SPATA13: variants seen among roughly 807,000 people sequenced by gnomAD.
The protein encoded by SPATA13 is spermatogenesis-associated protein 13.
In SPATA13, 50 loss-of-function variants were observed where a neutral mutation model predicts 104.0. The observed-to-expected ratio is 0.48, with a 90% CI of 0.38 to 0.61. The LOEUF (loss-of-function observed/expected upper bound fraction) is 0.61. Ranked by LOEUF, SPATA13 falls within the 20% of genes least tolerant of loss-of-function variation. SPATA13 has a pLI of 0.00. For synonymous variants in SPATA13, 606 were observed against 667.5 expected, an observed-to-expected ratio of 0.91 and a Z score of 1.42; for missense variants, 1,524 against 1,690.6, an observed-to-expected ratio of 0.90 and a Z score of 1.73.
intron 4 of SPATA13, among the ~76,000 whole-genome samples, chr13:24,256,795 T>A (rs1240138339): frequency 1.3e-5 from 2 of 152,228 alleles, no homozygotes; most frequent in African/African-American, 2.4e-5. Flanking sequence ...TTTGGGATAA[T>A]AGAGTTGGGA....
rs142290688 is a variant in SPATA13 at position 24,220,385 on chromosome 13, T to TCATA, written c.-111-2433_-111-2430dup. ...CCTTCTCTTCTGTATTCAGTGCGAG[T>TCATA]CATAAGAAGACCATTACTACTAATG... On this transcript the variant is annotated intron_variant, in intron 1 of 12. Coordinates refer to ENST00000382108, the MANE Select transcript of SPATA13 (RefSeq NM_001166271.3). Among the ~76,000 whole-genome samples the TCATA allele has an allele frequency of 0.017, 2,525 of 152,246 alleles. 129 individuals carry two copies. In the East Asian group the frequency reaches 0.18, roughly 11 times the overall value.
chr13:24,097,029 T>C (rs1880107657), intron 3 of SPATA13, among the ~76,000 whole-genome samples: 1 of 152,174 alleles, frequency 6.6e-6, no homozygotes, highest in African/African-American at 2.4e-5. Flanking sequence ...TAGTTAGAGG[T>C]GAATGCAGAA....
In SPATA13 at chr13:24,262,280, TTTTG is replaced by T. The variant is rs1380310227; in HGVS notation, c.2164+10426_2164+10429del. Among the ~76,000 whole-genome samples, 3 of 151,818 alleles carry T rather than the reference TTTTG, an allele frequency of 2.0e-5. 1 individual carries two copies. Among genetic ancestry groups the T allele is most frequent in the South Asian group, 4.1e-4 (2 of 4,824 alleles). ...AATTTATTCAAATTCTTTGTATTTT[TTTTG>T]TTTGTTTAAAACAAAGTTTTTTTTC... On this transcript the variant is annotated intron_variant, in intron 4 of 12. Transcript: ENST00000382108.
chr13:23,981,732 G>T, intron 1 of SPATA13, among the ~76,000 whole-genome samples: 1 of 152,120 alleles, frequency 6.6e-6, no homozygotes, highest in East Asian at 1.9e-4. Flanking sequence ...CATGTCTCAC[G>T]GCCAGTCAGG....
Position 24,297,597 on chromosome 13 carries a change from G to T in SPATA13, c.3445G>T (p.Val1149Leu), listed in dbSNP as rs770055743. 3 of 1,614,226 alleles carry T rather than the reference G, an allele frequency of 1.9e-6. No homozygotes were observed. The highest frequency in any genetic ancestry group is 1.7e-6 in the Non-Finnish European group (2 of 1,180,050). ...GCGCGACAAGGACTGCAACCTCAGC[G>T]TGAAAAATGCCTTCAAGCTCGTCAG... ...DGRDKDCNLS[V>L]KNAFKLVSRT... The change falls in exon 11 of 13, where the codon GTG becomes TTG. Residue 1149 changes from valine to leucine, a missense_variant. This residue lies in a region of SPATA13 where 435 missense variants were observed against 554.8 expected (regional missense o/e 0.78). Coordinates refer to ENST00000382108, the MANE Select transcript of SPATA13 (RefSeq NM_001166271.3).
intron 3 of SPATA13, among the ~76,000 whole-genome samples, chr13:24,060,750 G>A (rs988634248): frequency 6.6e-6 from 1 of 151,982 alleles, no homozygotes. Context: ...GAAGAGAAAA[G>A]CAAACAACTC....
chr13:24,278,456 A>G (rs923717388), intron 4 of SPATA13, among the ~76,000 whole-genome samples: 1 of 152,046 alleles, frequency 6.6e-6, no homozygotes, highest in African/African-American at 2.4e-5. Flanking sequence ...TTTTTTTTTA[A>G]TTTATAGAGA....
At chr13:24,193,474 C>T (rs1039482483) in intron 1 of SPATA13, among the ~76,000 whole-genome samples, 5 of 152,124 alleles carry the variant, frequency 3.3e-5, no homozygotes, top group African/African-American at 1.2e-4. Flanking sequence ...GGGGGGTGCT[C>T]CCCAGTTGGT....
intron 4 of SPATA13, 138 bp downstream of exon 4, chr13:24,252,000 A>T (rs1873520666): frequency 9.4e-7 from 1 of 1,068,928 alleles, no homozygotes; most frequent in South Asian, 1.7e-5. Flanking sequence ...AGGACGGCTC[A>T]TCTCAGGAGA....
intron 3 of SPATA13, among the ~76,000 whole-genome samples, chr13:24,045,978 T>G (rs1197553112): frequency 6.6e-6 from 1 of 152,252 alleles, no homozygotes; most frequent in Admixed American, 6.5e-5. Flanking sequence ...ATTAGCACAG[T>G]GCCTGGCACA....
chr13:24,113,847 C>T (rs867795831), intron 3 of SPATA13, among the ~76,000 whole-genome samples: 6 of 124,456 alleles, frequency 4.8e-5, no homozygotes, highest in Non-Finnish European at 4.7e-5. Flanking sequence ...TCCAGTCTGG[C>T]GACAGAGTGA....
chr13:24,211,608 A>T (rs1871018496), intron 1 of SPATA13, among the ~76,000 whole-genome samples: 1 of 152,078 alleles, frequency 6.6e-6, no homozygotes, highest in Non-Finnish European at 1.5e-5. Context: ...ACCCAGCCTG[A>T]TGGTGGGAAT....
At chr13:24,031,210 G>T (rs1877469104) in intron 3 of SPATA13, among the ~76,000 whole-genome samples, 1 of 152,200 alleles carries the variant, frequency 6.6e-6, no homozygotes, top group Admixed American at 6.5e-5. Context: ...GCCAGCATTG[G>T]GACTGGCCTG....
At chr13:23,980,594 G>A (rs1302264059) in intron 1 of SPATA13, among the ~76,000 whole-genome samples, 1 of 151,380 alleles carries the variant, frequency 6.6e-6, no homozygotes, top group Non-Finnish European at 1.5e-5. Context: ...ACGAAGTTTT[G>A]TTTTGTTTTG....
At position 24,008,902 on chromosome 13, in the gene SPATA13, G is replaced by T. The variant is rs117149646; in HGVS notation, c.-146-8765G>T. On this transcript the variant is annotated intron_variant, in intron 2 of 14. Coordinates refer to the SPATA13 transcript ENST00000424834. Reference sequence around the variant, plus strand: ...CATTCAGCCAAGGAGGAGGGAAGAGGGGGGAAAGCATAGCTCTGGGACCAA... The same window carrying T: ...CATTCAGCCAAGGAGGAGGGAAGAGTGGGGAAAGCATAGCTCTGGGACCAA... 8.7e-3 allele frequency among the ~76,000 whole-genome samples: 1,329 copies of T among 152,320 alleles called. 21 individuals carry two copies. The highest frequency in any genetic ancestry group is 0.07 in the East Asian group (364 of 5,176).
At chr13:24,043,556 T>TA (rs1275938305) in intron 3 of SPATA13, among the ~76,000 whole-genome samples, 3 of 152,172 alleles carry the variant, frequency 2.0e-5, no homozygotes, top group African/African-American at 7.2e-5. Flanking sequence ...AGCTCACTGG[T>TA]AATCTCCAGC....
chr13:24,092,380 A>G (rs1437554447), intron 3 of SPATA13, among the ~76,000 whole-genome samples: 1 of 152,216 alleles, frequency 6.6e-6, no homozygotes, highest in African/African-American at 2.4e-5. Flanking sequence ...GGCCTTTATT[A>G]CTGCCTTGCT....
At chr13:24,237,011 T>C (rs1217729389) in intron 2 of SPATA13, among the ~76,000 whole-genome samples, 1 of 152,108 alleles carries the variant, frequency 6.6e-6, no homozygotes, top group Non-Finnish European at 1.5e-5. Context: ...GATGGACAAA[T>C]GGATAAAAAG....
Position 24,277,709 on chromosome 13 carries a change from C to T in SPATA13, c.2165-6426C>T, listed in dbSNP as rs191605282. On this transcript the variant is annotated intron_variant, in intron 4 of 12. Coordinates refer to ENST00000382108, the MANE Select transcript of SPATA13 (RefSeq NM_001166271.3). Reference sequence around the variant, plus strand: ...TCAATTGGAAATCACATACTGAGTGCCTTCTGTATGCCAGGTACTATGCTA... The same window carrying T: ...TCAATTGGAAATCACATACTGAGTGTCTTCTGTATGCCAGGTACTATGCTA... 3.4e-4 allele frequency among the ~76,000 whole-genome samples: 52 copies of T among 152,258 alleles called. 1 individual carries two copies. The Middle Eastern group carries it at 0.01, about 30-fold the overall frequency.
Sources: allele counts gnomAD v4.1 joint callset (sites outside exome capture counted in the v4.1 genomes callset), GRCh38; gene constraint gnomAD v4.1.1; regional missense constraint gnomAD v4.1.1; transcripts MANE v1.5; gene names NCBI Gene and HGNC (gene_info 2026-07-23, HGNC 2026-07-21).